Variants in INVS observed in about 807,000 individuals in gnomAD.
INVS encodes inversion of embryo turning homolog.
A neutral mutation model predicts 108.8 loss-of-function variants in INVS; 86 were observed. The ratio of observed to expected loss-of-function variants is 0.79; its 90% CI spans 0.66 to 0.95. The LOEUF (loss-of-function observed/expected upper bound fraction) is 0.95, where lower values mean the gene tolerates loss of function less well. INVS is among the 40% of genes least tolerant of loss of function. The pLI, the probability that INVS is intolerant of heterozygous loss-of-function variation, is 0.00. For synonymous variants in INVS, 455 were observed against 473.5 expected, an observed-to-expected ratio of 0.96 and a Z score of 0.51; for missense variants, 1,169 against 1,297.4, an observed-to-expected ratio of 0.90 and a Z score of 1.52.
At chr9:100,271,112 C>T (rs964958134) in intron 11 of INVS, among the ~76,000 whole-genome samples, 1 of 152,144 alleles carries the variant, frequency 6.6e-6, no homozygotes, top group Non-Finnish European at 1.5e-5. Context: ...AATGTTCCTC[C>T]TACCCCTGCC....
chr9:100,158,149 C>T (rs1829061907), intron 3 of INVS, among the ~76,000 whole-genome samples: 1 of 152,014 alleles, frequency 6.6e-6, no homozygotes. Flanking sequence ...TTTCTTTCCT[C>T]TTAGTAGATC....
intron 6 of INVS, among the ~76,000 whole-genome samples, chr9:100,242,069 G>A (rs1404976693): frequency 1.3e-5 from 2 of 152,096 alleles, no homozygotes; most frequent in South Asian, 2.1e-4. Context: ...TATAATAAAA[G>A]ATTGTGGAAA....
At chr9:100,270,857 G>T (rs1273947439) in intron 11 of INVS, among the ~76,000 whole-genome samples, 1 of 150,598 alleles carries the variant, frequency 6.6e-6, no homozygotes, top group East Asian at 1.9e-4. Context: ...AGGAGGAGTC[G>T]AGGCTGCAGT....
intron 10 of INVS, among the ~76,000 whole-genome samples, chr9:100,262,729 G>GT (rs933672647): frequency 7.2e-6 from 1 of 139,416 alleles, no homozygotes; most frequent in African/African-American, 2.5e-5. Flanking sequence ...GAGATTTTGG[G>GT]TTTTTTTGTT....
chr9:100,296,065 T>G (rs1037749727), intron 14 of INVS, among the ~76,000 whole-genome samples: 1 of 152,102 alleles, frequency 6.6e-6, no homozygotes, highest in Non-Finnish European at 1.5e-5. Flanking sequence ...GCAAGGAGCT[T>G]TTAGCAGACT....
intron 16 of INVS, chr9:100,298,263 A>C (rs867884905): frequency 7.3e-7 from 1 of 1,366,168 alleles, no homozygotes; most frequent in South Asian, 1.5e-5. Flanking sequence ...TCACTTTTAC[A>C]CATTTTTTCA....
At chr9:100,282,743 G>A (rs1833319202) in intron 12 of INVS, among the ~76,000 whole-genome samples, 1 of 152,088 alleles carries the variant, frequency 6.6e-6, no homozygotes. Context: ...TGAGCAAGGT[G>A]GGCCTTACAA....
At chr9:100,297,199 A>G in intron 15 of INVS, 53 bp downstream of exon 15, 1 of 1,335,004 alleles carries the variant, frequency 7.5e-7, no homozygotes, top group Non-Finnish European at 1.1e-6. Flanking sequence ...AGAGTACCAC[A>G]TCAGAATCTG....
chr9:100,225,939 A>G (rs1249492613), intron 3 of INVS, 123 bp from the exon 4 acceptor site: 10 of 678,284 alleles, frequency 1.5e-5, no homozygotes, highest in Non-Finnish European at 2.5e-5. Flanking sequence ...ATTTTTCCTT[A>G]TTAATTTCTC....
chr9:100,121,936 G>A (rs1827737805), intron 2 of INVS, among the ~76,000 whole-genome samples: 1 of 151,942 alleles, frequency 6.6e-6, no homozygotes, highest in Non-Finnish European at 1.5e-5. Context: ...TTTCCCTTGA[G>A]ATTTTCTCTT....
At chr9:100,108,159 CT>C (rs1427557909) in intron 2 of INVS, among the ~76,000 whole-genome samples, 3 of 152,044 alleles carry the variant, frequency 2.0e-5, no homozygotes, top group Non-Finnish European at 2.9e-5. Flanking sequence ...ATTAAAAACA[CT>C]TATATTTTTA....
intron 3 of INVS, among the ~76,000 whole-genome samples, chr9:100,181,933 A>G (rs775339389): frequency 1.6e-4 from 24 of 152,142 alleles, no homozygotes; most frequent in Non-Finnish European, 3.2e-4. Context: ...GACCAATGGA[A>G]CAGAATAGAG....
intron 5 of INVS, among the ~76,000 whole-genome samples, chr9:100,239,528 A>G (rs1831797980): frequency 6.6e-6 from 1 of 152,220 alleles, no homozygotes; most frequent in African/African-American, 2.4e-5. Flanking sequence ...AATCTAGATA[A>G]TCAGTATGTA....
intron 2 of INVS, among the ~76,000 whole-genome samples, chr9:100,107,619 C>T (rs931171471): frequency 1.3e-5 from 2 of 152,168 alleles, no homozygotes; most frequent in African/African-American, 4.8e-5. Flanking sequence ...TCTTAGTCAT[C>T]CTTGAGATTT....
In INVS at chr9:100,136,268, C is replaced by T. The variant is rs540688532; in HGVS notation, c.273+9719C>T. The stretch of plus-strand genomic sequence containing the variant: ...GGTTATTGATCAGGAAAAGTATGGA[C>T]GGAAGAAATTGTGGTGGGAAAATTT... On this transcript the variant is annotated intron_variant, in intron 3 of 16. Coordinates refer to ENST00000262457, the MANE Select transcript of INVS (RefSeq NM_014425.5). Among the ~76,000 whole-genome samples the T allele has an allele frequency of 8.5e-5, 13 of 152,164 alleles. No homozygotes were observed. The East Asian group carries it at 1.4e-3, about 16-fold the overall frequency.
intron 7 of INVS, among the ~76,000 whole-genome samples, chr9:100,243,011 C>T (rs555097227): frequency 6.6e-6 from 1 of 152,134 alleles, no homozygotes; most frequent in Admixed American, 6.6e-5. Context: ...ATGGTTCATG[C>T]TGTTCACTCT....
intron 3 of INVS, among the ~76,000 whole-genome samples, chr9:100,164,901 T>C (rs1021469596): frequency 9.9e-5 from 15 of 151,180 alleles, no homozygotes; most frequent in Admixed American, 6.6e-4. Flanking sequence ...TTTTTCTTTT[T>C]TTTTTTTTTT....
Position 100,240,072 on chromosome 9 carries a change from A to G in INVS, c.628A>G (p.Thr210Ala). ...TVRCILDAAP[T>A]ESLLNWQDYE... ...TCCTTCAAATCAGGATGCTGCTCCA[A>G]CAGAGTCTTTACTGAACTGGCAAGA... The change falls in exon 6 of 17, where the codon ACA becomes GCA. Residue 210 changes from threonine to alanine, a missense_variant. Physicochemically the swap from Thr to Ala is moderately conservative, Grantham distance 58. Around this residue, in one of 3 missense-constraint regions of INVS, gnomAD observed 365 missense variants for 397.5 expected, o/e 0.92. Coordinates refer to ENST00000262457, the MANE Select transcript of INVS (RefSeq NM_014425.5). 4 of 1,614,130 alleles carry G rather than the reference A, an allele frequency of 2.5e-6. No homozygotes were observed. The highest frequency in any genetic ancestry group is 3.4e-6 in the Non-Finnish European group (4 of 1,179,956).
At chr9:100,232,461 T>C (rs1379176291) in intron 5 of INVS, among the ~76,000 whole-genome samples, 1 of 152,236 alleles carries the variant, frequency 6.6e-6, no homozygotes, top group Non-Finnish European at 1.5e-5. Context: ...GCCTAGGTTT[T>C]CTTCTAGCAT....
Sources: allele counts gnomAD v4.1 joint callset (sites outside exome capture counted in the v4.1 genomes callset), GRCh38; gene constraint gnomAD v4.1.1; regional missense constraint gnomAD v4.1.1; transcripts MANE v1.5; gene names NCBI Gene and HGNC (gene_info 2026-07-23, HGNC 2026-07-21).